Variants in CPA6 observed in about 807,000 individuals in gnomAD.
CPA6 encodes the protein carboxypeptidase B.
Under a neutral mutation model 63.3 loss-of-function variants are expected in CPA6, and 58 were observed. The ratio of observed to expected loss-of-function variants is 0.92; its 90% CI spans 0.74 to 1.14. The LOEUF is 1.14. CPA6 is among the 50% of genes most tolerant of loss of function. The pLI, the probability that CPA6 is intolerant of heterozygous loss-of-function variation, is 0.00. For missense variants in CPA6, 565 were observed against 526.6 expected (o/e 1.07, Z -0.71); for synonymous variants, 185 against 179.0 (o/e 1.03, Z -0.27).
intron 2 of CPA6, among the ~76,000 whole-genome samples, chr8:67,529,196 T>G (rs1812426209): frequency 6.6e-6 from 1 of 152,116 alleles, no homozygotes; most frequent in African/African-American, 2.4e-5. Flanking sequence ...GAATGCCATC[T>G]TGCTTCCAAA....
At chr8:67,680,557 T>G (rs1348696602) in intron 1 of CPA6, among the ~76,000 whole-genome samples, 1 of 151,100 alleles carries the variant, frequency 6.6e-6, no homozygotes, top group Non-Finnish European at 1.5e-5. Flanking sequence ...CAGACATACA[T>G]ACACAGAAAC....
chr8:67,615,922 G>A (rs1034254860), intron 2 of CPA6, among the ~76,000 whole-genome samples: 1 of 152,166 alleles, frequency 6.6e-6, no homozygotes, highest in African/African-American at 2.4e-5. Context: ...TTGAGCTAAG[G>A]CGCTTAGGTG....
chr8:67,551,700 G>A (rs1438830188), intron 2 of CPA6, among the ~76,000 whole-genome samples: 4 of 152,030 alleles, frequency 2.6e-5, no homozygotes, highest in South Asian at 2.1e-4. Flanking sequence ...ATTTCTTTTC[G>A]CAGTGTTTTG....
chr8:67,473,473 G>A (rs927764658), intron 8 of CPA6, among the ~76,000 whole-genome samples: 1 of 152,232 alleles, frequency 6.6e-6, no homozygotes, highest in African/African-American at 2.4e-5. Context: ...GTTAGACAAA[G>A]CTTATGAAAG....
chr8:67,633,680 C>CAAA (rs35134242), intron 1 of CPA6, among the ~76,000 whole-genome samples: 121 of 112,048 alleles, frequency 1.1e-3, no homozygotes, highest in African/African-American at 2.7e-3. Context: ...GACTCCGTCT[C>CAAA]AAAAAAAAAA....
intron 8 of CPA6, among the ~76,000 whole-genome samples, chr8:67,467,041 C>G (rs1312716958): frequency 6.6e-6 from 1 of 152,156 alleles, no homozygotes; most frequent in East Asian, 1.9e-4. Flanking sequence ...CTTCCTAAAA[C>G]TTTACCAGCT....
chr8:67,630,647 G>A lies in CPA6; in HGVS notation c.117-6396C>T, dbSNP rs183421781. Among the ~76,000 whole-genome samples, 584 of 152,322 alleles carry A rather than the reference G, an allele frequency of 3.8e-3. 1 individual carries two copies. Among genetic ancestry groups the A allele is most frequent in the Non-Finnish European group, 4.5e-3 (308 of 68,032 alleles). On this transcript the variant is annotated intron_variant, in intron 1 of 10. Coordinates refer to ENST00000297770, the MANE Select transcript of CPA6 (RefSeq NM_020361.5). ...CCATGCTTGGGGAACCCTTGAGCCC[G>A]CTGCTGCTCTGTGGGAGCCACTCTT...
At chr8:67,593,057 T>C (rs1172183168) in intron 2 of CPA6, among the ~76,000 whole-genome samples, 1 of 150,396 alleles carries the variant, frequency 6.6e-6, no homozygotes, top group Non-Finnish European at 1.5e-5. Flanking sequence ...CTGCTTTGAA[T>C]GTGTCCCAGA....
At chr8:67,682,144 G>T (rs1816612968) in intron 1 of CPA6, among the ~76,000 whole-genome samples, 1 of 151,256 alleles carries the variant, frequency 6.6e-6, no homozygotes, top group South Asian at 2.1e-4. Context: ...TGTACTCCAG[G>T]TTTATTGAAC....
At chr8:67,493,002 A>G (rs1056924911) in intron 6 of CPA6, among the ~76,000 whole-genome samples, 2 of 152,206 alleles carry the variant, frequency 1.3e-5, no homozygotes, top group Non-Finnish European at 2.9e-5. Context: ...CCAAAATATC[A>G]TAATTACTCA....
intron 1 of CPA6, among the ~76,000 whole-genome samples, chr8:67,693,521 C>A (rs1226274920): frequency 6.6e-6 from 1 of 152,156 alleles, no homozygotes; most frequent in African/African-American, 2.4e-5. Context: ...TGCTAAAATC[C>A]TAACTCCCAT....
At chr8:67,700,618 T>C (rs111691322) in intron 1 of CPA6, among the ~76,000 whole-genome samples, 1 of 152,218 alleles carries the variant, frequency 6.6e-6, no homozygotes, top group East Asian at 1.9e-4. Flanking sequence ...AGGATAATTT[T>C]TGTAGCATGG....
rs142275252 is a variant in CPA6 at position 67,468,919 on chromosome 8, T to C, written c.838+14849A>G. ...CACATATTTTCTTCAGGTCTCCACCTGTGTCCCTTACCTAGAATGCCCTCT... is the reference window on the plus strand; with the variant it reads ...CACATATTTTCTTCAGGTCTCCACCCGTGTCCCTTACCTAGAATGCCCTCT... On this transcript the variant is annotated intron_variant, in intron 8 of 10. Transcript: ENST00000297770. 1.0e-3 allele frequency among the ~76,000 whole-genome samples: 157 copies of C among 152,304 alleles called. 1 individual carries two copies. The highest frequency in any genetic ancestry group is 3.1e-3 in the African/African-American group (129 of 41,570).
intron 3 of CPA6, among the ~76,000 whole-genome samples, chr8:67,514,247 C>A (rs141936287): frequency 3.5e-4 from 53 of 152,174 alleles, no homozygotes; most frequent in Admixed American, 6.6e-4. Context: ...TGTGAGCCAC[C>A]ACGCCTGATC....
intron 2 of CPA6, among the ~76,000 whole-genome samples, chr8:67,618,108 A>G (rs1814999594): frequency 6.6e-6 from 1 of 152,216 alleles, no homozygotes; most frequent in African/African-American, 2.4e-5. Context: ...AATGGTGCCC[A>G]GATTAGCATT....
At chr8:67,691,033 A>G (rs1487085189) in intron 1 of CPA6, among the ~76,000 whole-genome samples, 2 of 152,244 alleles carry the variant, frequency 1.3e-5, no homozygotes, top group Non-Finnish European at 2.9e-5. Context: ...CTTTCTGTAC[A>G]TTAACTTGAA....
chr8:67,526,353 A>T (rs1331842205), intron 2 of CPA6, among the ~76,000 whole-genome samples: 1 of 152,180 alleles, frequency 6.6e-6, no homozygotes, highest in Non-Finnish European at 1.5e-5. Flanking sequence ...ATTTTTCTGA[A>T]ATAGACATGT....
At chr8:67,564,555 A>G (rs999926332) in intron 2 of CPA6, among the ~76,000 whole-genome samples, 1 of 152,134 alleles carries the variant, frequency 6.6e-6, no homozygotes, top group Non-Finnish European at 1.5e-5. Context: ...TCAAGGTCAT[A>G]GGAAGAGCAG....
At chr8:67,625,023 G>A (rs1815164904) in intron 1 of CPA6, among the ~76,000 whole-genome samples, 1 of 151,956 alleles carries the variant, frequency 6.6e-6, no homozygotes, top group Non-Finnish European at 1.5e-5. Flanking sequence ...TCTCCCTGAT[G>A]GACAAAAACT....
Sources: allele counts gnomAD v4.1 joint callset (sites outside exome capture counted in the v4.1 genomes callset), GRCh38; gene constraint gnomAD v4.1.1; transcripts MANE v1.5; gene names NCBI Gene and HGNC (gene_info 2026-07-23, HGNC 2026-07-21).